Variants in ETS2 observed in about 807,000 individuals in gnomAD.
ETS2 encodes the protein ETS proto-oncogene 2, transcription factor, also known as protein C-ets-2.
A neutral mutation model predicts 54.9 loss-of-function variants in ETS2; 19 were observed. That is an observed-to-expected ratio of 0.35 (90% CI 0.24 to 0.51). The LOEUF (loss-of-function observed/expected upper bound fraction) is 0.51, where lower values mean the gene tolerates loss of function less well. Among genes scored for constraint, ETS2 ranks in the 20% least tolerant of loss-of-function variants. ETS2 has a pLI of 0.97. For synonymous variants in ETS2, 219 were observed against 229.3 expected, an observed-to-expected ratio of 0.95 and a Z score of 0.41; for missense variants, 417 against 593.0, an observed-to-expected ratio of 0.70 and a Z score of 3.08.
rs1295048521 is a variant in ETS2 at position 38,822,865 on chromosome 21, C to T, written c.1386C>T (p.Gly462=). The T allele has an allele frequency of 3.8e-6, 6 of 1,594,054 alleles. No individual in the cohort carries two copies. The highest frequency in any genetic ancestry group is 1.1e-5 in the South Asian group (1 of 88,882). Residue 462 remains glycine (G), a synonymous_variant, in exon 10 of 10, where the codon GGC becomes GGT. Coordinates refer to ENST00000360938, the MANE Select transcript of ETS2 (RefSeq NM_005239.6). The part of the protein sequence containing the change: ...FTPEELHAIL[G]VQPDTED ...CCGAGGAACTGCACGCCATCCTGGG[C>T]GTCCAGCCCGACACGGAGGACTGAG...
chr21:38,816,549 C>T (rs1190743492), intron 5 of ETS2, among the ~76,000 whole-genome samples: 2 of 152,196 alleles, frequency 1.3e-5, no homozygotes, highest in African/African-American at 4.8e-5. Flanking sequence ...TTCCCCATCC[C>T]AGACTCCCAC....
Position 38,805,975 on chromosome 21 carries a change from G to A in ETS2, c.-146G>A. 7.9e-7 allele frequency: 1 copy of A among 1,263,652 alleles called. No homozygotes were observed. 78.3% of individuals were successfully genotyped at this position (1,263,652 alleles called of 1,614,324 possible). ...ACGAGTGCGGTGTCGCTCCAGCTCA[G>A]AGCTCCCGGAGCCGCCCGGCCAGCG... On this transcript the variant is annotated 5_prime_UTR_variant, in exon 1 of 10. Transcript: ENST00000360938. This position sits in a 1 kb window ranked among gnomAD's most constrained non-coding sequence, Gnocchi z 5.2.
upstream of ETS2, chr21:38,805,350 G>T (rs770068252): frequency 1.8e-4 from 233 of 1,288,618 alleles, no homozygotes; most frequent in Admixed American, 4.6e-5. This position sits in a 1 kb window ranked among gnomAD's most constrained non-coding sequence, Gnocchi z 5.2. Context: ...TTCAAGAATG[G>T]GGTCGGCTCA....
chr21:38,808,590 ATGTGTGTGTG>A (rs56269044), intron 1 of ETS2, among the ~76,000 whole-genome samples: 4 of 148,234 alleles, frequency 2.7e-5, no homozygotes, highest in Non-Finnish European at 6.0e-5. Context: ...GTGTGTGTGT[ATGTGTGTGTG>A]TGTGTGTGTG....
At chr21:38,816,891 A>G (rs1490196644) in intron 5 of ETS2, 117 bp from the exon 6 acceptor site, 2 of 633,666 alleles carry the variant, frequency 3.2e-6, no homozygotes, top group Non-Finnish European at 2.8e-6. Context: ...AATGTGAAGC[A>G]CTCCGTGCAT....
At position 38,806,026 on chromosome 21, in the gene ETS2, C is replaced by A. The variant is rs910647510; in HGVS notation, c.-95C>A. Reference sequence around the variant, plus strand: ...TCCGGCCTCCCTGATCGTCTCTGGCCGGCGCCCTCGCCCTCGCCCGGCGCG... The same window carrying A: ...TCCGGCCTCCCTGATCGTCTCTGGCAGGCGCCCTCGCCCTCGCCCGGCGCG... On this transcript the variant is annotated 5_prime_UTR_variant, in exon 1 of 10. Coordinates refer to ENST00000360938, the MANE Select transcript of ETS2 (RefSeq NM_005239.6). This position sits in a 1 kb window ranked among gnomAD's most constrained non-coding sequence, Gnocchi z 4.3. 4 of 1,232,786 alleles carry A rather than the reference C, an allele frequency of 3.2e-6. No individual in the cohort carries two copies. Among genetic ancestry groups the A allele is most frequent in the Admixed American group, 2.9e-5 (1 of 34,900 alleles). 76.4% of individuals were successfully genotyped at this position (1,232,786 alleles called of 1,614,324 possible). A position where few individuals can be genotyped will look rare whatever the true frequency, so the allele number is the denominator to read the frequency against.
In ETS2 at chr21:38,822,868, C is replaced by A. The variant is rs2060963930; in HGVS notation, c.1389C>A (p.Val463=). 6.3e-7 allele frequency: 1 copy of A among 1,594,024 alleles called. No individual in the cohort carries two copies. Among genetic ancestry groups the A allele is most frequent in the East Asian group, 2.2e-5 (1 of 44,512 alleles). The stretch of plus-strand genomic sequence containing the variant: ...AGGAACTGCACGCCATCCTGGGCGT[C>A]CAGCCCGACACGGAGGACTGAGGTC... The part of the protein sequence containing the change: ...TPEELHAILG[V]QPDTED The change falls in exon 10 of 10, where the codon GTC becomes GTA. Residue 463 remains valine, a synonymous_variant. Coordinates refer to ENST00000360938, the MANE Select transcript of ETS2 (RefSeq NM_005239.6).
At position 38,806,017 on chromosome 21, in the gene ETS2, G is replaced by T. The variant is rs954730901; in HGVS notation, c.-104G>T. The T allele has an allele frequency of 8.1e-7, 1 of 1,239,702 alleles. No individual in the cohort carries two copies. Among genetic ancestry groups the T allele is most frequent in the African/African-American group, 1.6e-5 (1 of 61,308 alleles). 76.8% of individuals were successfully genotyped at this position (1,239,702 alleles called of 1,614,324 possible). On this transcript the variant is annotated 5_prime_UTR_variant, in exon 1 of 10. Coordinates refer to ENST00000360938, the MANE Select transcript of ETS2 (RefSeq NM_005239.6). This position sits in a 1 kb window ranked among gnomAD's most constrained non-coding sequence, Gnocchi z 4.3. The stretch of plus-strand genomic sequence containing the variant: ...CGGCCAGCGTCCGGCCTCCCTGATC[G>T]TCTCTGGCCGGCGCCCTCGCCCTCG...
intron 9 of ETS2, among the ~76,000 whole-genome samples, chr21:38,822,406 C>G (rs193090974): frequency 6.6e-6 from 1 of 152,300 alleles, no homozygotes; most frequent in East Asian, 1.9e-4. Flanking sequence ...GCTCTGAACC[C>G]TTGGCTCCCA....
chr21:38,805,533 A>T, upstream of ETS2: 1 of 1,286,902 alleles, frequency 7.8e-7, no homozygotes, highest in Non-Finnish European at 1.0e-6. This position sits in a 1 kb window ranked among gnomAD's most constrained non-coding sequence, Gnocchi z 5.2. Flanking sequence ...ACTCGCGCGC[A>T]CGTGGGGCCG....
upstream of ETS2, chr21:38,805,546 G>T: frequency 7.8e-7 from 1 of 1,285,546 alleles, no homozygotes; most frequent in Non-Finnish European, 1.0e-6. This position sits in a 1 kb window ranked among gnomAD's most constrained non-coding sequence, Gnocchi z 5.2. Context: ...TGGGGCCGAG[G>T]CCCTGCTCCC....
rs950150032 is a variant in ETS2, at chr21:38,821,028, G to C, written c.1076-558G>C. ...GCAAAGCATGCTTCACCAGACAGAGGCTGTGAGGCAACGGGTGTGACCCCG... is the reference window on the plus strand; with the variant it reads ...GCAAAGCATGCTTCACCAGACAGAGCCTGTGAGGCAACGGGTGTGACCCCG... On this transcript the variant is annotated intron_variant, in intron 8 of 9. Transcript: ENST00000360938. The surrounding 1 kb of genome is among the most constrained non-coding windows in gnomAD (Gnocchi z 4.2). 2.6e-5 allele frequency among the ~76,000 whole-genome samples: 4 copies of C among 152,196 alleles called. No homozygotes were observed. Among genetic ancestry groups the C allele is most frequent in the African/African-American group, 9.7e-5 (4 of 41,448 alleles).
chr21:38,819,435 C>G, intron 7 of ETS2, 68 bp from the exon 8 acceptor site: 2 of 1,468,742 alleles, frequency 1.4e-6, no homozygotes, highest in Non-Finnish European at 1.9e-6. Context: ...GTTGGTGATG[C>G]TATGGTCGTG....
chr21:38,805,637 C>G, upstream of ETS2: 1 of 1,211,974 alleles, frequency 8.3e-7, no homozygotes, highest in Non-Finnish European at 1.0e-6. This position sits in a 1 kb window ranked among gnomAD's most constrained non-coding sequence, Gnocchi z 5.2. Context: ...AAGGTGTCAG[C>G]CCCGCCCCGC....
intron 8 of ETS2, 27 bp downstream of exon 8, chr21:38,819,793 C>A: frequency 6.3e-7 from 1 of 1,598,706 alleles, no homozygotes; most frequent in Non-Finnish European, 8.5e-7. Context: ...GAGAGCCTGG[C>A]CGCCCAGTCT....
intron 5 of ETS2, among the ~76,000 whole-genome samples, 172 bp from the exon 6 acceptor site, chr21:38,816,836 G>T (rs753135993): frequency 6.6e-6 from 1 of 152,058 alleles, no homozygotes; most frequent in Non-Finnish European, 1.5e-5. Flanking sequence ...GCTTTCTCTC[G>T]TTTTTTGAAA....
Position 38,814,920 on chromosome 21 carries a change from G to C in ETS2, c.444G>C (p.Leu148=), listed in dbSNP as rs777392506. ...GTAACCTTGGCAAGGAACGCTTTCTGGAGCTGGCACCTGACTTTGTGGGTG... is the reference window on the plus strand; with the variant it reads ...GTAACCTTGGCAAGGAACGCTTTCTCGAGCTGGCACCTGACTTTGTGGGTG... ...MLCNLGKERF[L]ELAPDFVGDI... Residue 148 remains leucine (L), a synonymous_variant, in exon 5 of 10, where the codon CTG becomes CTC. Coordinates refer to ENST00000360938, the MANE Select transcript of ETS2 (RefSeq NM_005239.6). This position sits in a 1 kb window ranked among gnomAD's most constrained non-coding sequence, Gnocchi z 4.2. 3 of 1,614,208 alleles carry C rather than the reference G, an allele frequency of 1.9e-6. No individual in the cohort carries two copies. Among genetic ancestry groups the C allele is most frequent in the Non-Finnish European group, 2.5e-6 (3 of 1,180,044 alleles).
rs1442024623 is a variant in ETS2, at chr21:38,823,233, T to C, written c.*344T>C. The C allele has an allele frequency of 5.3e-6, 1 of 188,292 alleles. No individual in the cohort carries two copies. The highest frequency in any genetic ancestry group is 1.1e-5 in the Non-Finnish European group (1 of 92,374). The allele number at this position is 188,292 out of a possible 1,614,324, so 11.7% of individuals were successfully genotyped here. A position where few individuals can be genotyped will look rare whatever the true frequency, so the allele number is the denominator to read the frequency against. ...GCATGTCGTGGACACACACAGACTA[T>C]TTTTAGATTTTCTTTTGCCTTTTGC... On this transcript the variant is annotated 3_prime_UTR_variant, in exon 10 of 10. Coordinates refer to ENST00000360938, the MANE Select transcript of ETS2 (RefSeq NM_005239.6).
In ETS2 at chr21:38,810,020, T is replaced by C. The variant is rs757779348; in HGVS notation, c.1-15T>C. On this transcript the variant is annotated splice_polypyrimidine_tract_variant and intron_variant, in intron 1 of 9. Coordinates refer to ENST00000360938, the MANE Select transcript of ETS2 (RefSeq NM_005239.6). ...AATCTTTTGCCTCTTTGACTTTTTT[T>C]TTTTCTTTTTTAAGATGAATGATTT... The C allele has an allele frequency of 3.2e-6, 5 of 1,562,464 alleles. No homozygotes were observed. The highest frequency in any genetic ancestry group is 4.3e-6 in the Non-Finnish European group (5 of 1,158,096).
Sources: allele counts gnomAD v4.1 joint callset (sites outside exome capture counted in the v4.1 genomes callset), GRCh38; gene constraint gnomAD v4.1.1; non-coding constraint Gnocchi (gnomAD v3.1); transcripts MANE v1.5; gene names NCBI Gene and HGNC (gene_info 2026-07-23, HGNC 2026-07-21).